Variants in TMEM59 observed in about 807,000 individuals in gnomAD.
The protein encoded by TMEM59 is dendritic cell factor 1.
A neutral mutation model predicts 42.2 loss-of-function variants in TMEM59; 44 were observed. The observed-to-expected ratio is 1.04, with a 90% CI of 0.82 to 1.34. The LOEUF (loss-of-function observed/expected upper bound fraction) is 1.34. TMEM59 is among the 40% of genes most tolerant of loss of function. The pLI is 0.00. For missense variants in TMEM59, 359 were observed against 382.8 expected (o/e 0.94, Z 0.52); for synonymous variants, 148 against 145.8 (o/e 1.02, Z -0.11).
intron 3 of TMEM59, 156 bp from the exon 4 acceptor site, chr1:54,043,681 A>C: frequency 7.8e-6 from 3 of 382,208 alleles, no homozygotes; most frequent in Non-Finnish European, 1.2e-5. Context: ...ACTCTTAGTT[A>C]TCTATGCACA....
At chr1:54,050,920 G>A (rs752724373) in intron 1 of TMEM59, among the ~76,000 whole-genome samples, 7 of 151,032 alleles carry the variant, frequency 4.6e-5, no homozygotes, top group Non-Finnish European at 8.8e-5. Flanking sequence ...GTGCACTGGC[G>A]ACATTTCGGC....
intron 2 of TMEM59, among the ~76,000 whole-genome samples, chr1:54,046,554 C>A (rs969757778): frequency 1.3e-5 from 2 of 152,106 alleles, no homozygotes; most frequent in African/African-American, 4.8e-5. Context: ...ATAAACTGGA[C>A]AGCATTATGC....
chr1:54,045,566 T>G (rs545286549), intron 3 of TMEM59, 126 bp downstream of exon 3: 57 of 853,178 alleles, frequency 6.7e-5, no homozygotes, highest in South Asian at 3.0e-4. Flanking sequence ...CAAACTAATT[T>G]TGTTTGCTGA....
upstream of TMEM59, chr1:54,053,221 T>G (rs201427170): frequency 2.7e-5 from 43 of 1,607,482 alleles, no homozygotes; most frequent in East Asian, 9.2e-4. Flanking sequence ...GCTCAGCTTG[T>G]TGCTGTTTTC....
upstream of TMEM59, chr1:54,053,439 C>G (rs909194083): frequency 1.1e-5 from 6 of 522,428 alleles, no homozygotes; most frequent in African/African-American, 1.9e-5. Flanking sequence ...AGCGGGGCCT[C>G]CTGACTTCTT....
At chr1:54,045,882 TA>T in intron 2 of TMEM59, 96 bp from the exon 3 acceptor site, 1 of 1,085,880 alleles carries the variant, frequency 9.2e-7, no homozygotes. Context: ...TTTTTATACT[TA>T]AAAAGGTTTC....
In TMEM59 at chr1:54,043,641, C is replaced by T. The variant is rs1043515379; in HGVS notation, c.391-116G>A. The T allele has an allele frequency of 1.5e-5, 9 of 605,100 alleles. No individual in the cohort carries two copies. In the African/African-American group the frequency reaches 1.6e-4, roughly 10 times the overall value. 37.5% of individuals were successfully genotyped at this position (605,100 alleles called of 1,614,324 possible). On this transcript the variant is annotated intron_variant, in intron 3 of 7. Transcript: ENST00000234831. ...GGGACAGGATACAAACAATTAAATACATCTACCATAATCAATAGCATTAGA... is the reference window on the plus strand; with the variant it reads ...GGGACAGGATACAAACAATTAAATATATCTACCATAATCAATAGCATTAGA...
At chr1:54,053,238 G>A (rs1264176053), upstream of TMEM59, 14 of 1,598,158 alleles carry the variant, frequency 8.8e-6, no homozygotes, top group East Asian at 2.9e-4. Flanking sequence ...TTTCTCGGAA[G>A]GGTTTCCTCC....
chr1:54,051,309 C>T (rs1052132894), intron 1 of TMEM59, among the ~76,000 whole-genome samples: 1 of 152,150 alleles, frequency 6.6e-6, no homozygotes, highest in Non-Finnish European at 1.5e-5. Flanking sequence ...CCCTACTTTA[C>T]AGGGTTGTTG....
Position 54,041,763 on chromosome 1 carries a change from G to T in TMEM59, c.586C>A (p.Pro196Thr), listed in dbSNP as rs370414727. 20 of 1,613,292 alleles carry T rather than the reference G, an allele frequency of 1.2e-5. No individual in the cohort carries two copies. Among genetic ancestry groups the T allele is most frequent in the Non-Finnish European group, 1.4e-5 (16 of 1,179,656 alleles). The change falls in exon 5 of 8, where the codon CCT becomes ACT. Residue 196 changes from proline (P) to threonine (T), a missense_variant. Coordinates refer to ENST00000234831, the MANE Select transcript of TMEM59 (RefSeq NM_004872.5). ...IQYAPHLEQE[P>T]TNLRESSLSK... The stretch of plus-strand genomic sequence containing the variant: ...AGAGATGATTCTCTCAAATTTGTAG[G>T]CTCCTGCTCCAAATGTGGTGCGTAC...
Position 54,036,721 on chromosome 1 carries a change from G to C in TMEM59, c.708-3C>G. ...TAGTTAAAATCCACCCAGAGTTACT[G>C]GAAAAAAAAAATCAACAATTAGTTA... On this transcript the variant is annotated splice_polypyrimidine_tract_variant and splice_region_variant and intron_variant, in intron 6 of 7. Coordinates refer to ENST00000234831, the MANE Select transcript of TMEM59 (RefSeq NM_004872.5). 6.5e-7 allele frequency: 1 copy of C among 1,546,696 alleles called. No individual in the cohort carries two copies. The highest frequency in any genetic ancestry group is 8.7e-7 in the Non-Finnish European group (1 of 1,150,504).
In TMEM59 at chr1:54,053,051, C is replaced by T. The variant is rs1347915275; in HGVS notation, c.138G>A (p.Ala46=). The T allele has an allele frequency of 1.2e-6, 2 of 1,614,034 alleles. No individual in the cohort carries two copies. The highest frequency in any genetic ancestry group is 2.2e-5 in the East Asian group (1 of 44,880). Residue 46 remains alanine (A), a synonymous_variant, in exon 1 of 8, where the codon GCG becomes GCA. Transcript: ENST00000234831. ...EAFDSVLGDT[A]SCHRACQLTY... ...TCAACTGACAGGCCCGGTGGCAAGACGCCGTATCACCCAAGACCGAGTCAA... is the reference window on the plus strand; with the variant it reads ...TCAACTGACAGGCCCGGTGGCAAGATGCCGTATCACCCAAGACCGAGTCAA...
At chr1:54,035,615 T>TTTTTC (rs147777455) in intron 7 of TMEM59, among the ~76,000 whole-genome samples, 9 of 151,562 alleles carry the variant, frequency 5.9e-5, no homozygotes, top group East Asian at 5.8e-4. Context: ...CCAGCATTTT[T>TTTTTC]TTTTCTTTTC....
rs555915429 is a variant in TMEM59, at chr1:54,028,547, T to G, written c.*3603A>C. 1 of 152,334 alleles carries G rather than the reference T, an allele frequency of 6.6e-6. No homozygotes were observed. Among genetic ancestry groups the G allele is most frequent in the African/African-American group, 2.4e-5 (1 of 41,462 alleles). The allele number at this position is 152,334 out of a possible 1,614,324, so 9.4% of individuals were successfully genotyped here. A position where few individuals can be genotyped will look rare whatever the true frequency, so the allele number is the denominator to read the frequency against. ...TCTTTTGTTATGCTTTTGTATGCTC[T>G]ATCTCGGCCTACTCAACAATCTGCA... On this transcript the variant is annotated 3_prime_UTR_variant, in exon 8 of 8. Coordinates refer to ENST00000234831, the MANE Select transcript of TMEM59 (RefSeq NM_004872.5).
rs1229785157 is a variant in TMEM59, at chr1:54,029,817, A to C, written c.*2333T>G. On this transcript the variant is annotated 3_prime_UTR_variant, in exon 8 of 8. Coordinates refer to ENST00000234831, the MANE Select transcript of TMEM59 (RefSeq NM_004872.5). ...AATCTTTATCACTGTACGTACCCTGACCCTAGACTCTAGTGTAGAACAAGT... is the reference window on the plus strand; with the variant it reads ...AATCTTTATCACTGTACGTACCCTGCCCCTAGACTCTAGTGTAGAACAAGT... 1.3e-5 allele frequency: 2 copies of C among 152,112 alleles called. No individual in the cohort carries two copies. The highest frequency in any genetic ancestry group is 1.5e-5 in the Non-Finnish European group (1 of 68,020). 9.4% of individuals were successfully genotyped at this position (152,112 alleles called of 1,614,324 possible). A position where few individuals can be genotyped will look rare whatever the true frequency, so the allele number is the denominator to read the frequency against.
At chr1:54,039,677 G>C (rs1657073279) in intron 6 of TMEM59, among the ~76,000 whole-genome samples, 1 of 152,180 alleles carries the variant, frequency 6.6e-6, no homozygotes, top group Non-Finnish European at 1.5e-5. Context: ...TTTTATACTT[G>C]AGATAGAACA....
Position 54,029,386 on chromosome 1 carries a change from C to T in TMEM59, c.*2764G>A, listed in dbSNP as rs1656696725. 6.6e-6 allele frequency: 1 copy of T among 152,178 alleles called. No individual in the cohort carries two copies. Among genetic ancestry groups the T allele is most frequent in the South Asian group, 2.1e-4 (1 of 4,834 alleles). The allele number at this position is 152,178 out of a possible 1,614,324, so 9.4% of individuals were successfully genotyped here. Reference sequence around the variant, plus strand: ...TGTCTCTTAGATGAGGGACCTGAGCCAAGAAAGACCTTAGAAGTCTGGGAG... The same window carrying T: ...TGTCTCTTAGATGAGGGACCTGAGCTAAGAAAGACCTTAGAAGTCTGGGAG... On this transcript the variant is annotated 3_prime_UTR_variant, in exon 8 of 8. Coordinates refer to ENST00000234831, the MANE Select transcript of TMEM59 (RefSeq NM_004872.5).
At chr1:54,051,339 T>C (rs1193048097) in intron 1 of TMEM59, among the ~76,000 whole-genome samples, 1 of 152,186 alleles carries the variant, frequency 6.6e-6, no homozygotes, top group Non-Finnish European at 1.5e-5. Flanking sequence ...GGGATAATGG[T>C]ATGATAAATC....
intron 6 of TMEM59, chr1:54,036,937 G>C (rs569706842): frequency 3.3e-6 from 1 of 302,880 alleles, no homozygotes; most frequent in South Asian, 7.2e-5. Context: ...TAATGTTTCT[G>C]TAACATGGCT....
Sources: gnomAD v4.1 joint callset for allele counts (sites outside exome capture counted in the v4.1 genomes callset) on GRCh38, gnomAD v4.1.1 for gene constraint, MANE v1.5 for transcripts, NCBI Gene and HGNC (gene_info 2026-07-23, HGNC 2026-07-21) for gene names.